Variants in LRBA observed in about 807,000 individuals in gnomAD.
The protein encoded by LRBA is LPS responsive beige-like anchor protein.
In LRBA, 176 loss-of-function variants were observed where a neutral mutation model predicts 330.0. The observed-to-expected ratio is 0.53, with a 90% CI of 0.47 to 0.60. LRBA has a LOEUF of 0.60. LRBA is among the 20% of genes least tolerant of loss of function. The probability of loss-of-function intolerance (pLI) is 0.00; values close to 1 mark genes in which losing one functional copy is unlikely to be tolerated. For synonymous variants in LRBA, 1,230 were observed against 1,193.0 expected, an observed-to-expected ratio of 1.03 and a Z score of -0.64; for missense variants, 3,259 against 3,444.8, an observed-to-expected ratio of 0.95 and a Z score of 1.35.
intron 2 of LRBA, among the ~76,000 whole-genome samples, chr4:150,945,818 T>G (rs1220621319): frequency 6.6e-6 from 1 of 151,760 alleles, no homozygotes; most frequent in Non-Finnish European, 1.5e-5. Flanking sequence ...TTTTTTTTTT[T>G]AGATGGAGTC....
chr4:150,777,065 T>TG (rs753650757), intron 34 of LRBA, among the ~76,000 whole-genome samples: 4,040 of 100,580 alleles, frequency 0.04, 83 homozygotes, highest in Non-Finnish European at 0.044. Flanking sequence ...TTTTGAGGGG[T>TG]TTTGTTGTTG....
chr4:150,590,001 T>C, intron 39 of LRBA, among the ~76,000 whole-genome samples: 1 of 152,206 alleles, frequency 6.6e-6, no homozygotes, highest in South Asian at 2.1e-4. Flanking sequence ...AGCAAGGTTT[T>C]TAATGTCTTT....
chr4:150,860,695 C>A (rs1751798136), intron 22 of LRBA, among the ~76,000 whole-genome samples: 1 of 151,866 alleles, frequency 6.6e-6, no homozygotes, highest in Non-Finnish European at 1.5e-5. Flanking sequence ...GGCATGGTGG[C>A]AGGCGCCTGT....
At position 150,981,726 on chromosome 4, in the gene LRBA, C is replaced by T. The variant is rs375468711; in HGVS notation, c.216+32701G>A. Among the ~76,000 whole-genome samples the T allele has an allele frequency of 3.9e-5, 6 of 152,036 alleles. No homozygotes were observed. In the South Asian group the frequency reaches 6.2e-4, roughly 16 times the overall value. On this transcript the variant is annotated intron_variant, in intron 2 of 56. Transcript: ENST00000651943. ...CTGTAATCCCAGCACTTTGGGAGGC[C>T]GAGGCAGGTGGATCACGAGGTCAGG...
At chr4:150,751,051 C>G (rs1156512996) in intron 35 of LRBA, among the ~76,000 whole-genome samples, 1 of 151,928 alleles carries the variant, frequency 6.6e-6, no homozygotes, top group African/African-American at 2.4e-5. Context: ...TACTTCAAAC[C>G]AAATATTCTC....
intron 2 of LRBA, among the ~76,000 whole-genome samples, chr4:150,999,965 C>T (rs915598773): frequency 1.2e-4 from 18 of 152,224 alleles, no homozygotes; most frequent in African/African-American, 4.1e-4. Flanking sequence ...ATACCAAATG[C>T]TATATACACT....
intron 20 of LRBA, among the ~76,000 whole-genome samples, chr4:150,868,742 G>T (rs751112389): frequency 6.6e-6 from 1 of 151,850 alleles, no homozygotes; most frequent in Non-Finnish European, 1.5e-5. Flanking sequence ...GTTCGAGAGC[G>T]GCCTGGCCAA....
chr4:150,879,251 G>A (rs199572328), intron 17 of LRBA, among the ~76,000 whole-genome samples: 2 of 151,900 alleles, frequency 1.3e-5, no homozygotes, highest in East Asian at 4.0e-4. Flanking sequence ...AATACAAACA[G>A]AATTAAAAAC....
rs78497766 is a variant in LRBA at position 150,728,463 on chromosome 4, T to C, written c.5754+6795A>G. Among the ~76,000 whole-genome samples the C allele has an allele frequency of 7.8e-3, 1,185 of 152,162 alleles. 12 individuals carry two copies. Among genetic ancestry groups the C allele is most frequent in the African/African-American group, 0.027 (1,131 of 41,520 alleles). On this transcript the variant is annotated intron_variant, in intron 36 of 56. Transcript: ENST00000651943. ...AATCCTCAAGAAAATACTAGCAAGC[T>C]GAATTTAAAAATACATTAAAAAGGT...
rs145931344 is a variant in LRBA at position 150,383,021 on chromosome 4, T to G, written c.7194+32417A>C. 2.5e-4 allele frequency among the ~76,000 whole-genome samples: 38 copies of G among 152,280 alleles called. No homozygotes were observed. The East Asian group carries it at 6.8e-3, about 27-fold the overall frequency. On this transcript the variant is annotated intron_variant, in intron 47 of 56. Coordinates refer to ENST00000651943, the MANE Select transcript of LRBA (RefSeq NM_001364905.1). Reference sequence around the variant, plus strand: ...TTTACTACTTCAGCTTTCATCAGGTTTATGAATATTTATTTGTTTTAAAAT... The same window carrying G: ...TTTACTACTTCAGCTTTCATCAGGTGTATGAATATTTATTTGTTTTAAAAT...
chr4:150,868,422 T>C, intron 20 of LRBA, 117 bp from the exon 21 acceptor site: 1 of 538,154 alleles, frequency 1.9e-6, no homozygotes. Context: ...ACCAAAAACA[T>C]CCTCTTCTGT....
At chr4:150,680,527 T>C (rs143877402) in intron 37 of LRBA, among the ~76,000 whole-genome samples, 29 of 152,326 alleles carry the variant, frequency 1.9e-4, no homozygotes, top group Middle Eastern at 3.4e-3. Context: ...TCAGTTTTTA[T>C]TGAATGGAAA....
chr4:150,519,243 G>C (rs1762671057), intron 40 of LRBA, among the ~76,000 whole-genome samples: 1 of 151,658 alleles, frequency 6.6e-6, no homozygotes, highest in South Asian at 2.1e-4. Flanking sequence ...AAAATACTTG[G>C]TAAAATACAA....
At chr4:150,911,326 T>A (rs915598733) in intron 9 of LRBA, among the ~76,000 whole-genome samples, 1 of 152,204 alleles carries the variant, frequency 6.6e-6, no homozygotes. Flanking sequence ...GGGCTTTTCA[T>A]ATACAATATT....
In LRBA at chr4:150,513,200, T is replaced by A. The variant is rs772863393; in HGVS notation, c.6331-22165A>T. On this transcript the variant is annotated intron_variant, in intron 40 of 56. Transcript: ENST00000651943. Reference sequence around the variant, plus strand: ...ATAATCATACTACCTCTGTGCTGGGTCTCTCATATTTCTGCAGATCTTAGA... The same window carrying A: ...ATAATCATACTACCTCTGTGCTGGGACTCTCATATTTCTGCAGATCTTAGA... Among the ~76,000 whole-genome samples, 4 of 152,324 alleles carry A rather than the reference T, an allele frequency of 2.6e-5. No homozygotes were observed. The East Asian group carries it at 5.8e-4, about 22-fold the overall frequency.
intron 46 of LRBA, among the ~76,000 whole-genome samples, chr4:150,419,650 T>C (rs2151959901): frequency 6.8e-6 from 1 of 147,642 alleles, no homozygotes; most frequent in Admixed American, 6.8e-5. Flanking sequence ...TTTTTTTTTT[T>C]TTTTTGAGAT....
chr4:150,484,833 T>G (rs1198281866), intron 42 of LRBA, among the ~76,000 whole-genome samples: 1 of 151,928 alleles, frequency 6.6e-6, no homozygotes, highest in African/African-American at 2.4e-5. Context: ...GTTAAACATT[T>G]CTATAGGTTG....
chr4:150,456,941 G>A (rs1032103731), intron 44 of LRBA, among the ~76,000 whole-genome samples: 1 of 152,050 alleles, frequency 6.6e-6, no homozygotes. Flanking sequence ...TCTCCCCAGT[G>A]TACGTTCTTG....
At chr4:150,276,724 G>C (rs1580870849) in intron 56 of LRBA, among the ~76,000 whole-genome samples, 2 of 152,148 alleles carry the variant, frequency 1.3e-5, no homozygotes, top group African/African-American at 4.8e-5. Context: ...ACCACAATGA[G>C]ACACCATCTC....
Sources: allele counts gnomAD v4.1 joint callset (sites outside exome capture counted in the v4.1 genomes callset), GRCh38; gene constraint gnomAD v4.1.1; transcripts MANE v1.5; gene names NCBI Gene and HGNC (gene_info 2026-07-23, HGNC 2026-07-21).